SRD5A3: variants seen among roughly 807,000 people sequenced by gnomAD.
SRD5A3 encodes steroid 5 alpha-reductase 3, also known as polyprenal reductase.
Under a neutral mutation model 34.3 loss-of-function variants are expected in SRD5A3, and 24 were observed. That is an observed-to-expected ratio of 0.70 (90% CI 0.51 to 0.99). The LOEUF (loss-of-function observed/expected upper bound fraction) is 0.99. Ranked by LOEUF, SRD5A3 falls within the 50% of genes least tolerant of loss-of-function variation. SRD5A3 has a pLI of 0.00. For missense variants in SRD5A3, 350 were observed against 388.2 expected, an observed-to-expected ratio of 0.90 and a Z score of 0.83; for synonymous variants, 161 against 167.3, an observed-to-expected ratio of 0.96 and a Z score of 0.29.
At chr4:55,363,666 C>T (rs1187178928) in intron 2 of SRD5A3, among the ~76,000 whole-genome samples, 1 of 152,132 alleles carries the variant, frequency 6.6e-6, no homozygotes, top group Non-Finnish European at 1.5e-5. Context: ...TCCTGTCCCC[C>T]TCTCTGCCTC....
intron 1 of SRD5A3, among the ~76,000 whole-genome samples, chr4:55,348,655 A>G (rs1719081417): frequency 6.6e-6 from 1 of 152,254 alleles, no homozygotes; most frequent in South Asian, 2.1e-4. Context: ...GATGACTACT[A>G]AGGAGTACGT....
chr4:55,358,162 G>A (rs1327871942), intron 1 of SRD5A3, among the ~76,000 whole-genome samples: 1 of 152,104 alleles, frequency 6.6e-6, no homozygotes, highest in East Asian at 1.9e-4. Flanking sequence ...TGACCGCCAG[G>A]CACTCAATAG....
At chr4:55,359,554 C>T in intron 2 of SRD5A3, 66 bp downstream of exon 2, 2 of 1,605,184 alleles carry the variant, frequency 1.2e-6, no homozygotes, top group Non-Finnish European at 1.7e-6. Context: ...TGCAAGGGAG[C>T]AGTTTTTGGC....
intron 2 of SRD5A3, among the ~76,000 whole-genome samples, chr4:55,360,576 T>C (rs1719642974): frequency 6.6e-6 from 1 of 152,162 alleles, no homozygotes; most frequent in African/African-American, 2.4e-5. Flanking sequence ...AAAAAAGTTA[T>C]GCTGTGAGGC....
At chr4:55,351,003 T>C (rs1719170379) in intron 1 of SRD5A3, among the ~76,000 whole-genome samples, 1 of 152,120 alleles carries the variant, frequency 6.6e-6, no homozygotes, top group Non-Finnish European at 1.5e-5. Flanking sequence ...TGACCTCAGA[T>C]GATCCGCCCA....
rs562642117 is a variant in SRD5A3, at chr4:55,351,852, A to G, written c.221+5295A>G. 11 of 575,726 alleles carry G rather than the reference A, an allele frequency of 1.9e-5. No individual in the cohort carries two copies. In the East Asian group the frequency reaches 3.4e-4, roughly 18 times the overall value. 35.7% of individuals were successfully genotyped at this position (575,726 alleles called of 1,614,324 possible). A position where few individuals can be genotyped will look rare whatever the true frequency, so the allele number is the denominator to read the frequency against. On this transcript the variant is annotated intron_variant, in intron 1 of 4. Transcript: ENST00000264228. ...TCCATAATCATCTGGCATTCATTCAATGTTGTATCTATGGTTAGAAATGTA... is the reference window on the plus strand; with the variant it reads ...TCCATAATCATCTGGCATTCATTCAGTGTTGTATCTATGGTTAGAAATGTA...
At chr4:55,351,641 C>A (rs1290795042) in intron 1 of SRD5A3, among the ~76,000 whole-genome samples, 2 of 151,508 alleles carry the variant, frequency 1.3e-5, no homozygotes, top group African/African-American at 4.9e-5. Context: ...TGGGCAACAA[C>A]AGCGAAACTT....
At chr4:55,359,523 C>G (rs2109473713) in intron 2 of SRD5A3, 35 bp downstream of exon 2, 6 of 1,613,410 alleles carry the variant, frequency 3.7e-6, no homozygotes, top group Non-Finnish European at 4.2e-6. Context: ...AACGCTGCAT[C>G]CCGTTTCTGT....
intron 2 of SRD5A3, among the ~76,000 whole-genome samples, chr4:55,361,911 T>C (rs1039181674): frequency 2.0e-5 from 3 of 152,218 alleles, no homozygotes; most frequent in African/African-American, 7.2e-5. Context: ...ACTGTGAGAC[T>C]GACTGGGGTG....
intron 1 of SRD5A3, among the ~76,000 whole-genome samples, chr4:55,358,535 C>CAAAAA (rs576702969): frequency 8.0e-5 from 9 of 112,748 alleles, no homozygotes; most frequent in African/African-American, 1.7e-4. Context: ...GACCCTGTCT[C>CAAAAA]AAAAAAAAAA....
chr4:55,354,207 C>T (rs750242477), intron 1 of SRD5A3, among the ~76,000 whole-genome samples: 1 of 152,112 alleles, frequency 6.6e-6, no homozygotes, highest in African/African-American at 2.4e-5. Context: ...AAGTGATTCT[C>T]GTGTCTCAGC....
intron 1 of SRD5A3, among the ~76,000 whole-genome samples, chr4:55,351,524 CA>C (rs576977778): frequency 0.02 from 2,884 of 144,944 alleles, 34 homozygotes; most frequent in Non-Finnish European, 0.03. Context: ...ACAAAAAATA[CA>C]AAAAAAAAAA....
At position 55,363,142 on chromosome 4, in the gene SRD5A3, C is replaced by T. The variant is rs570556271; in HGVS notation, c.365-932C>T. Among the ~76,000 whole-genome samples, 5 of 152,174 alleles carry T rather than the reference C, an allele frequency of 3.3e-5. No homozygotes were observed. In the South Asian group the frequency reaches 6.2e-4, roughly 19 times the overall value. On this transcript the variant is annotated intron_variant, in intron 2 of 4. Coordinates refer to ENST00000264228, the MANE Select transcript of SRD5A3 (RefSeq NM_024592.5). ...GATTACAGGCATGAGCCATCGCCCC[C>T]GGCCGTGACTCATTTCTTTTTTAAG...
chr4:55,356,411 T>G (rs969761682), intron 1 of SRD5A3, among the ~76,000 whole-genome samples: 7 of 152,200 alleles, frequency 4.6e-5, no homozygotes, highest in Admixed American at 1.3e-4. Context: ...TTAAATACAT[T>G]CATCTTGTTA....
At chr4:55,366,193 C>T (rs961415663) in intron 3 of SRD5A3, among the ~76,000 whole-genome samples, 1 of 152,148 alleles carries the variant, frequency 6.6e-6, no homozygotes, top group African/African-American at 2.4e-5. Flanking sequence ...ATAATTCTGG[C>T]GTTACCCTTA....
chr4:55,355,496 T>G (rs1578204299), intron 1 of SRD5A3, among the ~76,000 whole-genome samples: 1 of 145,450 alleles, frequency 6.9e-6, no homozygotes, highest in African/African-American at 2.5e-5. Flanking sequence ...TAGAGGGAAA[T>G]CAGGCAAGCA....
intron 1 of SRD5A3, among the ~76,000 whole-genome samples, chr4:55,355,285 C>T (rs989901998): frequency 1.4e-4 from 22 of 151,900 alleles, no homozygotes; most frequent in South Asian, 2.1e-4. Context: ...GGTGAAACCC[C>T]GTCTCTACTA....
intron 2 of SRD5A3, among the ~76,000 whole-genome samples, chr4:55,360,203 AG>A (rs1243002579): frequency 7.5e-6 from 1 of 134,132 alleles, no homozygotes; most frequent in Non-Finnish European, 1.6e-5. Flanking sequence ...CAACAGAGCG[AG>A]ACTGTGTTTC....
rs78146386 is a variant in SRD5A3 at position 55,352,208 on chromosome 4, G to T, written c.221+5651G>T. Reference sequence around the variant, plus strand: ...AAAGGTTGGTATCAATGAGGATGTGGTAAGGTGGGCCCAGCTGTGTATTAT... The same window carrying T: ...AAAGGTTGGTATCAATGAGGATGTGTTAAGGTGGGCCCAGCTGTGTATTAT... On this transcript the variant is annotated intron_variant, in intron 1 of 4. Coordinates refer to ENST00000264228, the MANE Select transcript of SRD5A3 (RefSeq NM_024592.5). 4,673 of 970,762 alleles carry T rather than the reference G, an allele frequency of 4.8e-3. 133 individuals carry two copies. In the African/African-American group the frequency reaches 0.066, roughly 14 times the overall value. The allele number at this position is 970,762 out of a possible 1,614,324, so 60.1% of individuals were successfully genotyped here.
Sources: gnomAD v4.1 joint callset for allele counts (sites outside exome capture counted in the v4.1 genomes callset) on GRCh38, gnomAD v4.1.1 for gene constraint, MANE v1.5 for transcripts, NCBI Gene and HGNC (gene_info 2026-07-23, HGNC 2026-07-21) for gene names.